The following BMPR1B variants were observed in gnomAD, a reference collection of about 807,000 sequenced individuals.
BMPR1B encodes bone morphogenetic protein receptor type 1B.
A neutral mutation model predicts 59.1 loss-of-function variants in BMPR1B; 12 were observed. The observed-to-expected ratio is 0.20, with a 90% CI of 0.13 to 0.33. BMPR1B has a LOEUF of 0.33. BMPR1B is among the 10% of genes least tolerant of loss of function. BMPR1B has a pLI of 1.00. For synonymous variants in BMPR1B, 237 were observed against 207.3 expected, an observed-to-expected ratio of 1.14 and a Z score of -1.23; for missense variants, 550 against 610.9, an observed-to-expected ratio of 0.90 and a Z score of 1.05.
intron 2 of BMPR1B, among the ~76,000 whole-genome samples, chr4:94,941,431 CAA>C (rs35329546): frequency 2.6e-5 from 3 of 115,674 alleles, no homozygotes; most frequent in Admixed American, 8.7e-5. Flanking sequence ...AAAACTGTCT[CAA>C]AAAAAAAAAA....
intron 1 of BMPR1B, among the ~76,000 whole-genome samples, chr4:94,873,543 AC>A (rs1398809711): frequency 6.6e-6 from 1 of 151,750 alleles, no homozygotes; most frequent in African/African-American, 2.4e-5. Flanking sequence ...AGTAGCTGGG[AC>A]TACAGGCGTG....
At chr4:95,023,484 A>G (rs1724134952) in intron 3 of BMPR1B, among the ~76,000 whole-genome samples, 1 of 152,056 alleles carries the variant, frequency 6.6e-6, no homozygotes, top group African/African-American at 2.4e-5. Context: ...TAGACCCAAG[A>G]AAGCCTTCTG....
In BMPR1B at chr4:94,870,373, C is replaced by T. The variant is rs28540611; in HGVS notation, c.-182-5458C>T. Reference sequence around the variant, plus strand: ...GTGGATTGACTTCCCTTTCTCTCTACTTCCTGCCAAGAGAGAGAGAGAGTT... The same window carrying T: ...GTGGATTGACTTCCCTTTCTCTCTATTTCCTGCCAAGAGAGAGAGAGAGTT... On this transcript the variant is annotated intron_variant, in intron 1 of 12. Transcript: ENST00000515059. Among the ~76,000 whole-genome samples, 1,135 of 136,622 alleles carry T rather than the reference C, an allele frequency of 8.3e-3. 20 individuals are homozygous for T. The highest frequency in any genetic ancestry group is 0.037 in the African/African-American group (1,086 of 29,610). The allele number at this position is 136,622 out of a possible 152,430, so 89.6% of individuals were successfully genotyped here.
intron 3 of BMPR1B, among the ~76,000 whole-genome samples, chr4:95,006,688 C>T (rs967590342): frequency 1.8e-4 from 27 of 151,566 alleles, no homozygotes; most frequent in Non-Finnish European, 1.2e-4. Context: ...ATTACAGGCG[C>T]ACCACCACAC....
In BMPR1B at chr4:94,958,649, A is replaced by G. The variant is rs115689325; in HGVS notation, c.-112-37391A>G. Among the ~76,000 whole-genome samples, 1,223 of 152,316 alleles carry G rather than the reference A, an allele frequency of 8.0e-3. 15 individuals are homozygous for G. The highest frequency in any genetic ancestry group is 0.024 in the African/African-American group (995 of 41,566). On this transcript the variant is annotated intron_variant, in intron 2 of 12. Transcript: ENST00000515059. ...AAAGGCTTTGTCTACAGATACTGTCATATTCTGAGACTTCATCGTATGAAT... is the reference window on the plus strand; with the variant it reads ...AAAGGCTTTGTCTACAGATACTGTCGTATTCTGAGACTTCATCGTATGAAT...
intron 6 of BMPR1B, among the ~76,000 whole-genome samples, chr4:95,119,563 C>T (rs946471290): frequency 3.9e-5 from 6 of 152,034 alleles, no homozygotes; most frequent in Non-Finnish European, 8.8e-5. Flanking sequence ...CTGAATGGCT[C>T]CTTGAATGGC....
intron 1 of BMPR1B, among the ~76,000 whole-genome samples, chr4:94,812,092 G>T (rs1723839217): frequency 6.6e-6 from 1 of 152,026 alleles, no homozygotes. Context: ...CTTGCCAGAG[G>T]ACATTGTTTT....
chr4:94,877,115 GGCCACATATTAT>G (rs1726760610), intron 2 of BMPR1B, among the ~76,000 whole-genome samples: 1 of 152,044 alleles, frequency 6.6e-6, no homozygotes. Flanking sequence ...GTTTCAGTTG[GGCCACATATTAT>G]GCCACTGTGC....
chr4:95,010,335 C>T (rs966011654), intron 3 of BMPR1B, among the ~76,000 whole-genome samples: 2 of 152,178 alleles, frequency 1.3e-5, no homozygotes, highest in South Asian at 4.1e-4. Flanking sequence ...TTTCTCATTA[C>T]TGCTGGAATA....
intron 1 of BMPR1B, among the ~76,000 whole-genome samples, chr4:94,771,037 C>T (rs543947106): frequency 1.7e-4 from 26 of 151,846 alleles, no homozygotes; most frequent in South Asian, 4.2e-4. Context: ...ATTAGGGAAA[C>T]GTGAGGGGCT....
chr4:95,079,137 C>T (rs978623316), intron 3 of BMPR1B, among the ~76,000 whole-genome samples: 7 of 152,132 alleles, frequency 4.6e-5, no homozygotes, highest in African/African-American at 1.7e-4. Flanking sequence ...TGTATTTTCC[C>T]CTTTCATTTT....
At chr4:95,066,835 G>A (rs1389669829) in intron 3 of BMPR1B, among the ~76,000 whole-genome samples, 2 of 152,144 alleles carry the variant, frequency 1.3e-5, no homozygotes, top group African/African-American at 4.8e-5. Context: ...ATTAAACTTT[G>A]AGAACCACTG....
intron 2 of BMPR1B, among the ~76,000 whole-genome samples, chr4:94,965,900 T>A (rs1031652748): frequency 4.6e-5 from 7 of 152,208 alleles, no homozygotes; most frequent in African/African-American, 1.7e-4. Flanking sequence ...CAGTGAAACA[T>A]TTGTGGAATT....
At chr4:94,895,094 C>T (rs1052038615) in intron 2 of BMPR1B, among the ~76,000 whole-genome samples, 3 of 151,930 alleles carry the variant, frequency 2.0e-5, no homozygotes, top group African/African-American at 4.8e-5. Context: ...CTTGATAGTA[C>T]CATGTTCAAC....
intron 2 of BMPR1B, among the ~76,000 whole-genome samples, chr4:94,892,363 A>G (rs189703232): frequency 1.3e-5 from 2 of 152,212 alleles, no homozygotes; most frequent in East Asian, 3.9e-4. Flanking sequence ...TGATTTATAT[A>G]CGTGTTAAAG....
intron 5 of BMPR1B, among the ~76,000 whole-genome samples, chr4:95,115,367 G>T (rs1731942043): frequency 6.6e-6 from 1 of 152,084 alleles, no homozygotes; most frequent in Non-Finnish European, 1.5e-5. Flanking sequence ...GTCTTGTTTA[G>T]TGTCGCATTA....
At chr4:94,850,636 G>A (rs1423804725) in intron 1 of BMPR1B, among the ~76,000 whole-genome samples, 1 of 152,084 alleles carries the variant, frequency 6.6e-6, no homozygotes, top group Non-Finnish European at 1.5e-5. Context: ...CCTTCATCCT[G>A]TGCATGAATC....
At chr4:95,128,103 C>G (rs1037780016) in intron 8 of BMPR1B, among the ~76,000 whole-genome samples, 1 of 152,000 alleles carries the variant, frequency 6.6e-6, no homozygotes, top group Admixed American at 6.6e-5. Flanking sequence ...CCAGGCTGGT[C>G]TTGAACTCCT....
At chr4:94,914,368 A>G (rs1281444581) in intron 2 of BMPR1B, among the ~76,000 whole-genome samples, 2 of 152,178 alleles carry the variant, frequency 1.3e-5, no homozygotes, top group Admixed American at 6.5e-5. Context: ...TAGGCCTTGA[A>G]GAGAGATTTG....
Sources: gnomAD v4.1 joint callset for allele counts (sites outside exome capture counted in the v4.1 genomes callset) on GRCh38, gnomAD v4.1.1 for gene constraint, MANE v1.5 for transcripts, NCBI Gene and HGNC (gene_info 2026-07-23, HGNC 2026-07-21) for gene names.